EPHA4: variants seen among roughly 807,000 people sequenced by gnomAD.
EPHA4 encodes EPH receptor A4, also known as ephrin type-A receptor 4.
In EPHA4, 19 loss-of-function variants were observed where a neutral mutation model predicts 108.3. That is an observed-to-expected ratio of 0.18 (90% CI 0.12 to 0.26). EPHA4 has a LOEUF of 0.26. Among genes scored for constraint, EPHA4 ranks in the 10% least tolerant of loss-of-function variants. The probability of loss-of-function intolerance (pLI) is 1.00; values close to 1 mark genes in which losing one functional copy is unlikely to be tolerated. For synonymous variants in EPHA4, 449 were observed against 455.5 expected (o/e 0.99, Z 0.18); for missense variants, 917 against 1,254.0 (o/e 0.73, Z 4.06).
At chr2:221,566,844 GAA>G (rs1694650401) in intron 2 of EPHA4, among the ~76,000 whole-genome samples, 2 of 47,184 alleles carry the variant, frequency 4.2e-5, no homozygotes, top group African/African-American at 4.0e-4. Flanking sequence ...AGAAGAAGGA[GAA>G]GGAGAAGGAG....
intron 5 of EPHA4, among the ~76,000 whole-genome samples, chr2:221,460,787 G>A (rs1288542039): frequency 6.6e-6 from 1 of 152,144 alleles, no homozygotes; most frequent in Non-Finnish European, 1.5e-5. Context: ...CCTAGATGAG[G>A]CATTTGCCAA....
intron 1 of EPHA4, among the ~76,000 whole-genome samples, chr2:221,570,257 C>G (rs1247261136): frequency 6.6e-6 from 1 of 152,008 alleles, no homozygotes; most frequent in Non-Finnish European, 1.5e-5. Flanking sequence ...CCCTCCCTCC[C>G]CTTCAACATT....
intron 5 of EPHA4, among the ~76,000 whole-genome samples, chr2:221,478,896 G>C (rs1471557216): frequency 6.6e-6 from 1 of 152,172 alleles, no homozygotes; most frequent in Non-Finnish European, 1.5e-5. Flanking sequence ...CAGCTTATCA[G>C]CAAAAAGCTG....
At chr2:221,490,998 G>A (rs1692126279) in intron 4 of EPHA4, among the ~76,000 whole-genome samples, 1 of 152,108 alleles carries the variant, frequency 6.6e-6, no homozygotes, top group Non-Finnish European at 1.5e-5. Context: ...AGAACCTTTT[G>A]GATGCATCAA....
chr2:221,456,617 G>T lies in EPHA4; in HGVS notation c.1599C>A (p.Asn533Lys). 1 of 1,613,722 alleles carries T rather than the reference G, an allele frequency of 6.2e-7. No individual in the cohort carries two copies. ...AGTCTGGGTGGTCCTTGTTACCTGT[G>T]TTGGTTGTAACCTCCAAGGGCTCAC... ...DFSEPLEVTT[N>K]TVPSRIIGDG... is the part of the protein sequence containing the mutation. Residue 533 changes from asparagine to lysine, a missense_variant, in exon 7 of 18, where the codon AAC (asparagine) becomes AAA (lysine). This residue lies in a region of EPHA4 where 758 missense variants were observed against 1,076.7 expected (regional missense o/e 0.70). Transcript: ENST00000281821.
intron 3 of EPHA4, among the ~76,000 whole-genome samples, chr2:221,505,487 G>A (rs1185308773): frequency 1.3e-5 from 2 of 151,826 alleles, no homozygotes; most frequent in African/African-American, 2.4e-5. Context: ...CACTACGCCC[G>A]GCTAATTTTT....
At chr2:221,481,540 G>A (rs1691820210) in intron 5 of EPHA4, among the ~76,000 whole-genome samples, 1 of 152,118 alleles carries the variant, frequency 6.6e-6, no homozygotes, top group South Asian at 2.1e-4. Context: ...TGTAGTCCCA[G>A]CTACTCGGGA....
intron 5 of EPHA4, among the ~76,000 whole-genome samples, chr2:221,461,910 T>A (rs1446865852): frequency 6.6e-6 from 1 of 151,834 alleles, no homozygotes; most frequent in Non-Finnish European, 1.5e-5. Context: ...ACACATTCTA[T>A]CTGTAGACAC....
At chr2:221,473,552 GAAAAAAAAAAAA>G (rs772366510) in intron 5 of EPHA4, among the ~76,000 whole-genome samples, 3 of 109,688 alleles carry the variant, frequency 2.7e-5, no homozygotes, top group African/African-American at 6.9e-5. Context: ...GTGTTTAAAG[GAAAAAAAAAAAA>G]AAAAAAAAAA....
intron 11 of EPHA4, 99 bp from the exon 12 acceptor site, chr2:221,437,221 T>C: frequency 2.5e-6 from 2 of 805,180 alleles, no homozygotes; most frequent in Non-Finnish European, 4.1e-6. Context: ...GATACCTGTC[T>C]TGTGTGATCT....
At chr2:221,522,382 G>A (rs946084775) in intron 3 of EPHA4, among the ~76,000 whole-genome samples, 6 of 152,208 alleles carry the variant, frequency 3.9e-5, no homozygotes, top group East Asian at 1.9e-4. Context: ...TGACAAAGAC[G>A]AAGTTAAGCT....
At chr2:221,470,340 G>GGA (rs375132663) in intron 5 of EPHA4, among the ~76,000 whole-genome samples, 3,457 of 147,964 alleles carry the variant, frequency 0.023, 82 homozygotes, top group East Asian at 0.086. Context: ...AGGGCGGGGG[G>GGA]GAGAGAGAGA....
At chr2:221,494,986 TC>T (rs1199433266) in intron 4 of EPHA4, among the ~76,000 whole-genome samples, 1 of 134,718 alleles carries the variant, frequency 7.4e-6, no homozygotes, top group Admixed American at 8.1e-5. Flanking sequence ...ATGGTGCTTG[TC>T]CTGGCAATGT....
At chr2:221,421,428 C>T (rs1052470979) in intron 17 of EPHA4, among the ~76,000 whole-genome samples, 2 of 152,248 alleles carry the variant, frequency 1.3e-5, no homozygotes, top group African/African-American at 4.8e-5. Flanking sequence ...AAGAGCCATA[C>T]TCTCTACATG....
Position 221,425,715 on chromosome 2 carries a change from C to G in EPHA4, c.*313G>C. ...GTCTCAGAAGCTCAGTGTCTGGCAGCAAATACAGCATCAAAACTCAGAGGC... is the reference window on the plus strand; with the variant it reads ...GTCTCAGAAGCTCAGTGTCTGGCAGGAAATACAGCATCAAAACTCAGAGGC... On this transcript the variant is annotated 3_prime_UTR_variant, in exon 17 of 18. Transcript: ENST00000281821. The G allele has an allele frequency of 4.2e-6, 1 of 240,772 alleles. No individual in the cohort carries two copies. Among genetic ancestry groups the G allele is most frequent in the Non-Finnish European group, 8.0e-6 (1 of 124,716 alleles). 14.9% of individuals were successfully genotyped at this position (240,772 alleles called of 1,614,324 possible). A position where few individuals can be genotyped will look rare whatever the true frequency, so the allele number is the denominator to read the frequency against.
At chr2:221,514,405 C>T (rs1290143067) in intron 3 of EPHA4, among the ~76,000 whole-genome samples, 1 of 152,136 alleles carries the variant, frequency 6.6e-6, no homozygotes, top group Non-Finnish European at 1.5e-5. Context: ...TTTAGTCCTT[C>T]TCACAGCATG....
intron 1 of EPHA4, among the ~76,000 whole-genome samples, chr2:221,570,563 C>T (rs1029711951): frequency 3.9e-5 from 6 of 152,142 alleles, no homozygotes; most frequent in East Asian, 1.9e-4. Flanking sequence ...GAGAGAGGGC[C>T]CCTTTCCTCC....
At chr2:221,461,985 C>CTTTTTTTTTTTTTT (rs71050335) in intron 5 of EPHA4, among the ~76,000 whole-genome samples, 1 of 138,920 alleles carries the variant, frequency 7.2e-6, no homozygotes, top group Non-Finnish European at 1.5e-5. Context: ...TGAACACATT[C>CTTTTTTTTTTTTTT]TTTTTTTTTT....
chr2:221,447,808 T>C (rs1690638873), intron 8 of EPHA4, among the ~76,000 whole-genome samples: 1 of 149,860 alleles, frequency 6.7e-6, no homozygotes, highest in Non-Finnish European at 1.5e-5. Flanking sequence ...ATTTAACTTT[T>C]CAAAGGGTCT....
Sources: gnomAD v4.1 joint callset for allele counts (sites outside exome capture counted in the v4.1 genomes callset) on GRCh38, gnomAD v4.1.1 for gene constraint, gnomAD v4.1.1 regional missense constraint, MANE v1.5 for transcripts, NCBI Gene and HGNC (gene_info 2026-07-23, HGNC 2026-07-21) for gene names.